Variants in DOCK2 observed in about 807,000 individuals in gnomAD.
DOCK2 encodes the protein dedicator of cytokinesis protein 2.
A neutral mutation model predicts 248.9 loss-of-function variants in DOCK2; 87 were observed. The observed-to-expected ratio is 0.35, with a 90% CI of 0.29 to 0.42. The LOEUF (loss-of-function observed/expected upper bound fraction) is 0.42, where lower values mean the gene tolerates loss of function less well. Among genes scored for constraint, DOCK2 ranks in the 10% least tolerant of loss-of-function variants. The pLI is 1.00. For synonymous variants in DOCK2, 805 were observed against 821.6 expected, an observed-to-expected ratio of 0.98 and a Z score of 0.35; for missense variants, 1,747 against 2,300.2, an observed-to-expected ratio of 0.76 and a Z score of 4.92.
intron 39 of DOCK2, among the ~76,000 whole-genome samples, chr5:170,046,459 C>G (rs1330308796): frequency 1.1e-4 from 16 of 152,108 alleles, no homozygotes. Context: ...CTGCTTCCCT[C>G]CCGCCCATCC....
intron 25 of DOCK2, among the ~76,000 whole-genome samples, chr5:169,777,643 C>T (rs770237424): frequency 7.2e-5 from 11 of 152,174 alleles, no homozygotes; most frequent in Non-Finnish European, 1.5e-4. Context: ...CTACCTTACC[C>T]GGGATACTTC....
At chr5:169,813,191 T>C (rs1185574308) in intron 26 of DOCK2, among the ~76,000 whole-genome samples, 1 of 152,234 alleles carries the variant, frequency 6.6e-6, no homozygotes, top group Admixed American at 6.5e-5. Flanking sequence ...TGTGAGGCAA[T>C]TGTTAAATAA....
chr5:170,074,194 T>A (rs1346151431), intron 46 of DOCK2, among the ~76,000 whole-genome samples: 4 of 152,192 alleles, frequency 2.6e-5, no homozygotes, highest in African/African-American at 4.8e-5. Context: ...TCTGTTCCTA[T>A]ATATTAGTTA....
chr5:169,904,285 C>T (rs1581391680), intron 27 of DOCK2, among the ~76,000 whole-genome samples: 1 of 151,880 alleles, frequency 6.6e-6, no homozygotes, highest in Non-Finnish European at 1.5e-5. Context: ...AGGGCTTTCC[C>T]CTCAGTCTTA....
rs184460829 is a variant in DOCK2 at position 169,714,440 on chromosome 5, G to A, written c.1924G>A (p.Gly642Arg). The stretch of plus-strand genomic sequence containing the variant: ...TTTAGAAAAGTTGAAGATTGTGGAT[G>A]GAGAGGAAGTGGTGAAGGTCAGTGG... ...ENLEKLKIVD[G>R]EEVVKFLQDT... Residue 642 changes from glycine (G) to arginine (R), a missense_variant, in exon 19 of 52, where the codon GGA becomes AGA. By Grantham distance (125) the Gly-to-Arg change is moderately radical. Transcript: ENST00000520908. The A allele has an allele frequency of 6.2e-7, 1 of 1,614,036 alleles. No homozygotes were observed. The highest frequency in any genetic ancestry group is 1.7e-5 in the Admixed American group (1 of 60,014).
intron 4 of DOCK2, 60 bp from the exon 5 acceptor site, chr5:169,671,018 T>G: frequency 6.7e-7 from 1 of 1,499,016 alleles, no homozygotes; most frequent in Non-Finnish European, 9.2e-7. Context: ...TTTGTTGGTG[T>G]TTTATCTTGT....
chr5:170,008,219 CAACAACAAA>C (rs1169474612), intron 30 of DOCK2, among the ~76,000 whole-genome samples: 2 of 42,040 alleles, frequency 4.8e-5, no homozygotes, highest in African/African-American at 1.2e-4. Flanking sequence ...ACAACAACAA[CAACAACAAA>C]AAAAAAAAAA....
intron 34 of DOCK2, among the ~76,000 whole-genome samples, chr5:170,028,326 A>T (rs1168347013): frequency 1.3e-5 from 2 of 152,160 alleles, no homozygotes; most frequent in African/African-American, 4.8e-5. Flanking sequence ...TTAGCATGCT[A>T]TTGTGCAATG....
intron 27 of DOCK2, among the ~76,000 whole-genome samples, chr5:169,919,557 T>C (rs1775060549): frequency 6.6e-6 from 1 of 152,226 alleles, no homozygotes; most frequent in Admixed American, 6.5e-5. Flanking sequence ...ATTTCTTTGA[T>C]GTGGACATTA....
intron 32 of DOCK2, among the ~76,000 whole-genome samples, chr5:170,016,120 A>G (rs1755531751): frequency 6.6e-6 from 1 of 152,152 alleles, no homozygotes; most frequent in Non-Finnish European, 1.5e-5. Context: ...CTGTGCTTAC[A>G]TTATCAGCAG....
intron 1 of DOCK2, among the ~76,000 whole-genome samples, chr5:169,644,799 C>G (rs1035768459): frequency 6.6e-6 from 1 of 151,972 alleles, no homozygotes. Context: ...TTGCAACTCC[C>G]CCACCCCCTG....
intron 9 of DOCK2, among the ~76,000 whole-genome samples, chr5:169,692,826 C>A (rs978707745): frequency 6.6e-6 from 1 of 152,136 alleles, no homozygotes; most frequent in African/African-American, 2.4e-5. Flanking sequence ...CTGTCTTCTC[C>A]CTGAGTCTTC....
chr5:169,756,655 G>A (rs1764209704), intron 23 of DOCK2, among the ~76,000 whole-genome samples: 1 of 152,188 alleles, frequency 6.6e-6, no homozygotes, highest in Admixed American at 6.5e-5. Context: ...GCCAGGCATG[G>A]TGGCTCATGC....
intron 27 of DOCK2, among the ~76,000 whole-genome samples, chr5:169,842,055 G>A (rs1450455950): frequency 6.6e-6 from 1 of 152,106 alleles, no homozygotes; most frequent in African/African-American, 2.4e-5. Flanking sequence ...ATAGTTGCTA[G>A]GATTCCCAAT....
At chr5:169,881,409 G>A (rs1194614934) in intron 27 of DOCK2, 1 of 1,551,394 alleles carries the variant, frequency 6.4e-7, no homozygotes, top group African/African-American at 1.4e-5. Context: ...TACTGCAATT[G>A]TTGAGATCTT....
intron 38 of DOCK2, among the ~76,000 whole-genome samples, chr5:170,043,083 C>G (rs1282371832): frequency 6.6e-6 from 1 of 152,194 alleles, no homozygotes; most frequent in Non-Finnish European, 1.5e-5. Context: ...AGCTGCTGCT[C>G]AGCTCCAGCC....
At chr5:169,893,426 A>G (rs1029767260) in intron 27 of DOCK2, among the ~76,000 whole-genome samples, 12 of 147,826 alleles carry the variant, frequency 8.1e-5, no homozygotes, top group Admixed American at 4.7e-4. Flanking sequence ...GATTTTTCTG[A>G]TATTTTTCAA....
intron 26 of DOCK2, among the ~76,000 whole-genome samples, chr5:169,836,259 GAAC>G (rs1441671261): frequency 2.0e-5 from 3 of 152,162 alleles, no homozygotes; most frequent in African/African-American, 7.2e-5. Flanking sequence ...GGAACAAGCT[GAAC>G]AACAACAACC....
At chr5:169,966,848 G>T (rs1010774346) in intron 27 of DOCK2, among the ~76,000 whole-genome samples, 1 of 152,298 alleles carries the variant, frequency 6.6e-6, no homozygotes. Flanking sequence ...TTTCCACACA[G>T]ATCAGACTTT....
Sources: allele counts gnomAD v4.1 joint callset (sites outside exome capture counted in the v4.1 genomes callset), GRCh38; gene constraint gnomAD v4.1.1; transcripts MANE v1.5; gene names NCBI Gene and HGNC (gene_info 2026-07-23, HGNC 2026-07-21).